Variants in ABCB1 observed in about 807,000 individuals in gnomAD.
ABCB1 encodes the protein ATP-dependent translocase ABCB1.
In ABCB1, 69 loss-of-function variants were observed where a neutral mutation model predicts 142.0. The observed-to-expected ratio is 0.49, with a 90% CI of 0.40 to 0.59. The LOEUF is 0.59. Ranked by LOEUF, ABCB1 falls within the 20% of genes least tolerant of loss-of-function variation. ABCB1 has a pLI of 0.00. For synonymous variants in ABCB1, 532 were observed against 539.2 expected, an observed-to-expected ratio of 0.99 and a Z score of 0.18; for missense variants, 1,326 against 1,554.7, an observed-to-expected ratio of 0.85 and a Z score of 2.47.
chr7:87,706,497 G>A (rs1156932794), intron 1 of ABCB1, among the ~76,000 whole-genome samples: 1 of 152,184 alleles, frequency 6.6e-6, no homozygotes, highest in Non-Finnish European at 1.5e-5. Flanking sequence ...GGGACCTACT[G>A]CTGAGAACAA....
intron 3 of ABCB1, among the ~76,000 whole-genome samples, chr7:87,592,719 A>C (rs1426546038): frequency 6.6e-6 from 1 of 152,174 alleles, no homozygotes; most frequent in African/African-American, 2.4e-5. Context: ...GAATAACACA[A>C]GTTCCTAAAT....
chr7:87,534,355 C>CTAAT (rs1194540645), intron 20 of ABCB1, among the ~76,000 whole-genome samples: 1 of 152,164 alleles, frequency 6.6e-6, no homozygotes, highest in Non-Finnish European at 1.5e-5. Context: ...ATTCCAAAGA[C>CTAAT]TAATGCTCAC....
intron 20 of ABCB1, among the ~76,000 whole-genome samples, chr7:87,533,059 C>A (rs1000308943): frequency 1.3e-5 from 2 of 151,984 alleles, no homozygotes; most frequent in African/African-American, 4.8e-5. Flanking sequence ...AATAGAACAC[C>A]TGTATATTTT....
At chr7:87,626,025 G>T (rs35141338) in intron 1 of ABCB1, among the ~76,000 whole-genome samples, 15,695 of 114,434 alleles carry the variant, frequency 0.14, 1,385 homozygotes, top group African/African-American at 0.2. Context: ...TATATATATA[G>T]AGAGAGAGAG....
intron 8 of ABCB1, among the ~76,000 whole-genome samples, chr7:87,560,575 T>C (rs770376531): frequency 6.6e-6 from 1 of 152,166 alleles, no homozygotes; most frequent in Non-Finnish European, 1.5e-5. Flanking sequence ...ATAACCCCCT[T>C]AACCAATACA....
chr7:87,562,238 A>C (rs1360238033), intron 7 of ABCB1, among the ~76,000 whole-genome samples: 1 of 152,212 alleles, frequency 6.6e-6, no homozygotes, highest in Non-Finnish European at 1.5e-5. Flanking sequence ...GCAAATGAAC[A>C]TTGATTAGTT....
At chr7:87,660,377 C>T (rs904336666) in intron 1 of ABCB1, among the ~76,000 whole-genome samples, 48 of 152,188 alleles carry the variant, frequency 3.2e-4, no homozygotes, top group Admixed American at 9.8e-4. Flanking sequence ...CATATACTCT[C>T]AATTTTTAAA....
chr7:87,611,424 C>T (rs904241957), intron 1 of ABCB1, among the ~76,000 whole-genome samples: 2 of 152,096 alleles, frequency 1.3e-5, no homozygotes, highest in Non-Finnish European at 2.9e-5. Flanking sequence ...ATCTTTATGT[C>T]TATGAAGACC....
In ABCB1 at chr7:87,504,171, G is replaced by T; in HGVS notation, c.*72C>A. ...CCTCTTCATAATTCTGTAAGTGTTTGCTTTTAACTTTGAATAAATGTCATA... is the reference window on the plus strand; with the variant it reads ...CCTCTTCATAATTCTGTAAGTGTTTTCTTTTAACTTTGAATAAATGTCATA... On this transcript the variant is annotated 3_prime_UTR_variant, in exon 28 of 28. Coordinates refer to ENST00000622132, the MANE Select transcript of ABCB1 (RefSeq NM_001348946.2). 6.3e-7 allele frequency: 1 copy of T among 1,582,002 alleles called. No individual in the cohort carries two copies. The highest frequency in any genetic ancestry group is 8.6e-7 in the Non-Finnish European group (1 of 1,156,142).
intron 19 of ABCB1, among the ~76,000 whole-genome samples, chr7:87,538,306 G>C (rs966490917): frequency 6.6e-6 from 1 of 152,144 alleles, no homozygotes; most frequent in Non-Finnish European, 1.5e-5. Flanking sequence ...CCAAGGACAG[G>C]GTTTCCCATC....
intron 1 of ABCB1, among the ~76,000 whole-genome samples, chr7:87,610,356 G>A (rs1819806455): frequency 1.4e-5 from 2 of 143,244 alleles, no homozygotes; most frequent in Admixed American, 1.4e-4. Flanking sequence ...TCCCATCTTG[G>A]CCTCCAGAGT....
chr7:87,673,256 G>T (rs1826007105), intron 1 of ABCB1, among the ~76,000 whole-genome samples: 2 of 152,154 alleles, frequency 1.3e-5, no homozygotes, highest in Non-Finnish European at 1.5e-5. Flanking sequence ...GAATTTGAAT[G>T]TTGACTTCTC....
At chr7:87,665,612 G>T (rs1442725161) in intron 1 of ABCB1, among the ~76,000 whole-genome samples, 2 of 152,032 alleles carry the variant, frequency 1.3e-5, no homozygotes, top group African/African-American at 4.8e-5. Flanking sequence ...ATTTCATGGG[G>T]TTTGGTGTAC....
At chr7:87,568,265 AT>A (rs150886733) in intron 5 of ABCB1, among the ~76,000 whole-genome samples, 11 of 117,224 alleles carry the variant, frequency 9.4e-5, no homozygotes, top group African/African-American at 2.7e-4. Context: ...AATAATAATA[AT>A]AAAAATTAGC....
intron 7 of ABCB1, among the ~76,000 whole-genome samples, chr7:87,563,579 GTCTT>G (rs1480627004): frequency 6.6e-6 from 1 of 152,128 alleles, no homozygotes; most frequent in Non-Finnish European, 1.5e-5. Context: ...GATGCAAAAA[GTCTT>G]TCAATAAAAT....
intron 1 of ABCB1, among the ~76,000 whole-genome samples, chr7:87,652,646 A>ATATATATATATATATAT: frequency 6.3e-4 from 92 of 147,130 alleles, no homozygotes; most frequent in African/African-American, 1.8e-3. Flanking sequence ...ATATATATAT[A>ATATATATATATATATAT]GTAGGAAGTA....
rs1563080735 is a variant in ABCB1, at chr7:87,626,429, GTATGTGTCATATATGTGTCATATA to G, written c.-330-25375_-330-25352del. 4.6e-3 allele frequency among the ~76,000 whole-genome samples: 67 copies of G among 14,432 alleles called. 13 individuals carry two copies. Among genetic ancestry groups the G allele is most frequent in the Non-Finnish European group, 5.7e-3 (60 of 10,586 alleles). The allele number at this position is 14,432 out of a possible 152,430, so 9.5% of individuals were successfully genotyped here. ...TATGTGTCATATATATGTGTCATAT[GTATGTGTCATATATGTGTCATATA>G]TATGTGTCATATATGTGTCATATAT... is the stretch of plus-strand genomic sequence containing the variant. On this transcript the variant is annotated intron_variant, in intron 1 of 28. Transcript: ENST00000265724.
At chr7:87,589,117 A>G (rs1343428987) in intron 3 of ABCB1, among the ~76,000 whole-genome samples, 1 of 152,186 alleles carries the variant, frequency 6.6e-6, no homozygotes, top group Non-Finnish European at 1.5e-5. Context: ...GAAAGTGGTA[A>G]CATAATGCTG....
At chr7:87,659,123 C>T (rs747348437) in intron 1 of ABCB1, 2 of 322,224 alleles carry the variant, frequency 6.2e-6, no homozygotes, top group African/African-American at 2.2e-5. Flanking sequence ...CATCATGCCA[C>T]TGCAATCTAG....
Sources: gnomAD v4.1 joint callset for allele counts (sites outside exome capture counted in the v4.1 genomes callset) on GRCh38, gnomAD v4.1.1 for gene constraint, MANE v1.5 for transcripts, NCBI Gene and HGNC (gene_info 2026-07-23, HGNC 2026-07-21) for gene names.